SYCP2L: variants seen among roughly 807,000 people sequenced by gnomAD.
The protein encoded by SYCP2L is synaptonemal complex protein 2 like.
Under a neutral mutation model 125.8 loss-of-function variants are expected in SYCP2L, and 98 were observed. The ratio of observed to expected loss-of-function variants is 0.78; its 90% CI spans 0.66 to 0.92. SYCP2L has a LOEUF of 0.92. Ranked by LOEUF, SYCP2L falls within the 40% of genes least tolerant of loss-of-function variation. The pLI is 0.00. For missense variants in SYCP2L, 842 were observed against 936.4 expected, an observed-to-expected ratio of 0.90 and a Z score of 1.32; for synonymous variants, 317 against 325.4, an observed-to-expected ratio of 0.97 and a Z score of 0.28.
intron 14 of SYCP2L, 25 bp from the exon 15 acceptor site, chr6:10,924,471 A>T: frequency 1.3e-6 from 2 of 1,533,712 alleles, no homozygotes; most frequent in South Asian, 1.3e-5. Context: ...GTTGCTATGC[A>T]TTGATATTCC....
chr6:10,901,219 G>T (rs1441592431), intron 6 of SYCP2L, among the ~76,000 whole-genome samples: 1 of 152,120 alleles, frequency 6.6e-6, no homozygotes, highest in Non-Finnish European at 1.5e-5. Context: ...AAAAATGATG[G>T]TACCTTATTT....
chr6:10,935,147 T>C lies in SYCP2L; in HGVS notation c.1773T>C (p.Ser591=), dbSNP rs750332965. The C allele has an allele frequency of 1.9e-6, 3 of 1,613,170 alleles. No homozygotes were observed. Among genetic ancestry groups the C allele is most frequent in the Non-Finnish European group, 2.5e-6 (3 of 1,179,680 alleles). Residue 591 remains serine, a synonymous_variant, in exon 21 of 30, where the codon AGT becomes AGC. Coordinates refer to ENST00000283141, the MANE Select transcript of SYCP2L (RefSeq NM_001040274.3). ...CTTCTGAACAAAAATTCCAAGATAG[T>C]TTTGCTTTTTTGACTGCTGAAGATT... ...PKTSEQKFQD[S]FAFLTAEDSA...
At chr6:10,927,491 A>G (rs767303853) in intron 17 of SYCP2L, 124 bp downstream of exon 17, 52 of 711,906 alleles carry the variant, frequency 7.3e-5, no homozygotes, top group Non-Finnish European at 1.2e-4. Context: ...AGGTTCCGTG[A>G]TGCCCCCTGA....
intron 10 of SYCP2L, among the ~76,000 whole-genome samples, chr6:10,909,253 C>T (rs1404312204): frequency 6.6e-6 from 1 of 151,330 alleles, no homozygotes; most frequent in Non-Finnish European, 1.5e-5. Flanking sequence ...CTTATCCTCC[C>T]GAGTAGCTGG....
chr6:10,942,045 C>T (rs1039351262), intron 21 of SYCP2L, among the ~76,000 whole-genome samples: 6 of 144,832 alleles, frequency 4.1e-5, no homozygotes, highest in Admixed American at 7.2e-5. Context: ...TCAGCAAACT[C>T]GCAAGGATGA....
At chr6:10,929,091 C>T (rs1431232323) in intron 18 of SYCP2L, among the ~76,000 whole-genome samples, 2 of 152,034 alleles carry the variant, frequency 1.3e-5, no homozygotes, top group African/African-American at 2.4e-5. Context: ...TGGGATTTGC[C>T]ATGTTGGCCA....
At position 10,907,591 on chromosome 6, in the gene SYCP2L, T is replaced by C; in HGVS notation, c.726T>C (p.Ile242=). The change falls in exon 10 of 30, where the codon ATT becomes ATC. Residue 242 remains isoleucine, a synonymous_variant. Coordinates refer to ENST00000283141, the MANE Select transcript of SYCP2L (RefSeq NM_001040274.3). ...AISEALCRLT[I]KKSRDELVHK... Reference sequence around the variant, plus strand: ...CTGAAGCGCTGTGTAGACTGACGATTAAAAAATCAAGGGATGAACTTGTCC... The same window carrying C: ...CTGAAGCGCTGTGTAGACTGACGATCAAAAAATCAAGGGATGAACTTGTCC... 2 of 1,613,982 alleles carry C rather than the reference T, an allele frequency of 1.2e-6. No homozygotes were observed. The highest frequency in any genetic ancestry group is 1.7e-6 in the Non-Finnish European group (2 of 1,179,918).
chr6:10,919,408 A>G (rs1408886451), intron 14 of SYCP2L, among the ~76,000 whole-genome samples: 1 of 152,190 alleles, frequency 6.6e-6, no homozygotes, highest in Non-Finnish European at 1.5e-5. Flanking sequence ...TTGTCTGTAC[A>G]GAGTCCTGTG....
chr6:10,959,225 G>T (rs1163250212), intron 26 of SYCP2L, among the ~76,000 whole-genome samples: 1 of 152,116 alleles, frequency 6.6e-6, no homozygotes, highest in Non-Finnish European at 1.5e-5. Flanking sequence ...CCTTAAAAAA[G>T]AATTAAATTC....
intron 24 of SYCP2L, 138 bp downstream of exon 24, chr6:10,955,355 T>A: frequency 3.5e-6 from 2 of 576,998 alleles, no homozygotes; most frequent in East Asian, 5.5e-5. Context: ...TAAGCTTTTG[T>A]GCTTTTGGAG....
intron 9 of SYCP2L, 144 bp downstream of exon 9, chr6:10,906,198 T>G: frequency 1.9e-6 from 1 of 520,708 alleles, no homozygotes; most frequent in Non-Finnish European, 3.4e-6. Flanking sequence ...TTTTGAGAGA[T>G]TTTAGCATGC....
chr6:10,910,796 A>G (rs759332353), intron 11 of SYCP2L, 28 bp from the exon 12 acceptor site: 1 of 1,612,638 alleles, frequency 6.2e-7, no homozygotes, highest in South Asian at 1.1e-5. Context: ...TTCATGTTTT[A>G]TTTTTTTAAT....
rs1780626461 is a variant in SYCP2L at position 10,912,387 on chromosome 6, C to T, written c.919-286C>T. Reference sequence around the variant, plus strand: ...ATAGAACTGTTTTCTCCGTGATTTTCATTAGAAAAAAAATTGTGTGGATAG... The same window carrying T: ...ATAGAACTGTTTTCTCCGTGATTTTTATTAGAAAAAAAATTGTGTGGATAG... On this transcript the variant is annotated intron_variant, in intron 12 of 29. Transcript: ENST00000283141. The surrounding 1 kb of genome is among the most constrained non-coding windows in gnomAD (Gnocchi z 4.1). Among the ~76,000 whole-genome samples the T allele has an allele frequency of 6.6e-6, 1 of 151,886 alleles. No individual in the cohort carries two copies. The highest frequency in any genetic ancestry group is 2.4e-5 in the African/African-American group (1 of 41,328).
chr6:10,905,170 G>A (rs183535717), intron 8 of SYCP2L, among the ~76,000 whole-genome samples: 1,107 of 113,752 alleles, frequency 9.7e-3, no homozygotes, highest in Non-Finnish European at 0.014. Flanking sequence ...AAAAAAAGAA[G>A]AAGATCGACT....
intron 18 of SYCP2L, chr6:10,929,948 GA>G (rs1451034569): frequency 1.3e-4 from 19 of 150,604 alleles, no homozygotes; most frequent in Non-Finnish European, 2.4e-4. Flanking sequence ...TCAAAAAAAA[GA>G]AAAAAGAAAA....
At chr6:10,909,180 G>A (rs1184263625) in intron 10 of SYCP2L, among the ~76,000 whole-genome samples, 3 of 139,366 alleles carry the variant, frequency 2.2e-5, no homozygotes, top group Admixed American at 7.4e-5. Context: ...TCAGACTGGA[G>A]TGCAGTGGCA....
In SYCP2L at chr6:10,962,688, A is replaced by G. The variant is rs140098013; in HGVS notation, c.2415-1094A>G. Among the ~76,000 whole-genome samples the G allele has an allele frequency of 8.6e-3, 1,317 of 152,324 alleles. 9 individuals are homozygous for G. The highest frequency in any genetic ancestry group is 0.021 in the African/African-American group (880 of 41,566). On this transcript the variant is annotated intron_variant, in intron 28 of 29. Transcript: ENST00000283141. ...GTGTTGATATAAATAACAGATTTAT[A>G]TGAAAAATAACTATGACTTTTCAGA...
At chr6:10,893,284 C>G (rs1477916432) in intron 2 of SYCP2L, among the ~76,000 whole-genome samples, 1 of 152,230 alleles carries the variant, frequency 6.6e-6, no homozygotes, top group East Asian at 1.9e-4. Flanking sequence ...AGGCGTGCGC[C>G]ACTGCACCCG....
intron 8 of SYCP2L, among the ~76,000 whole-genome samples, chr6:10,905,300 T>C (rs1435816747): frequency 1.3e-5 from 2 of 148,410 alleles, no homozygotes; most frequent in African/African-American, 5.0e-5. Flanking sequence ...ATTATTACCA[T>C]TTTTTTTTTG....
Sources: allele counts gnomAD v4.1 joint callset (sites outside exome capture counted in the v4.1 genomes callset), GRCh38; gene constraint gnomAD v4.1.1; non-coding constraint Gnocchi (gnomAD v3.1); transcripts MANE v1.5; gene names NCBI Gene and HGNC (gene_info 2026-07-23, HGNC 2026-07-21).